TPRG1: variants seen among roughly 807,000 people sequenced by gnomAD.
The protein encoded by TPRG1 is tumor protein p63 regulated 1, also known as tumor protein p63-regulated gene 1 protein.
TPRG1 carries 29 observed loss-of-function variants against 29.3 expected under a neutral mutation model. The ratio of observed to expected loss-of-function variants is 0.99; its 90% CI spans 0.74 to 1.35. TPRG1 has a LOEUF of 1.35. Among genes scored for constraint, TPRG1 ranks in the 40% most tolerant of loss-of-function variants. TPRG1 has a pLI of 0.00. For synonymous variants in TPRG1, 130 were observed against 116.8 expected (o/e 1.11, Z -0.73); for missense variants, 327 against 335.0 (o/e 0.98, Z 0.19).
At chr3:189,204,936 C>A (rs189761576) in intron 1 of TPRG1, among the ~76,000 whole-genome samples, 4 of 120,108 alleles carry the variant, frequency 3.3e-5, no homozygotes, top group Admixed American at 2.6e-4. Flanking sequence ...CTCTATGTCT[C>A]TCTCTCTCTC....
At chr3:189,009,689 T>A (rs972218885) in intron 3 of TPRG1, among the ~76,000 whole-genome samples, 38 of 152,200 alleles carry the variant, frequency 2.5e-4, no homozygotes, top group Non-Finnish European at 1.5e-4. Context: ...TCTTTCCCAA[T>A]AGAAATAAAT....
chr3:189,076,779 T>C (rs1717201959), intron 4 of TPRG1, among the ~76,000 whole-genome samples: 1 of 152,142 alleles, frequency 6.6e-6, no homozygotes, highest in Non-Finnish European at 1.5e-5. Flanking sequence ...AATGTATCAC[T>C]GTTTATACTG....
chr3:189,286,301 AT>A (rs968890217), intron 4 of TPRG1, among the ~76,000 whole-genome samples: 11 of 151,606 alleles, frequency 7.3e-5, no homozygotes, highest in Non-Finnish European at 1.0e-4. Context: ...ACTCTGTTTT[AT>A]TTTTTTTATA....
intron 1 of TPRG1, among the ~76,000 whole-genome samples, chr3:189,185,387 G>A (rs1375507783): frequency 6.6e-6 from 1 of 151,724 alleles, no homozygotes; most frequent in Admixed American, 6.6e-5. Flanking sequence ...CTCCAGCTGG[G>A]TATATTTTTG....
At chr3:189,090,882 C>T (rs1034085919) in intron 4 of TPRG1, among the ~76,000 whole-genome samples, 22 of 151,950 alleles carry the variant, frequency 1.4e-4, no homozygotes, top group Admixed American at 3.9e-4. Flanking sequence ...TGATTAATGA[C>T]GTTTTGCAAT....
intron 4 of TPRG1, among the ~76,000 whole-genome samples, chr3:189,297,372 G>A (rs916468703): frequency 6.6e-6 from 1 of 152,056 alleles, no homozygotes; most frequent in Admixed American, 6.5e-5. Flanking sequence ...CATGCCCTAG[G>A]TGCATAGTTT....
At chr3:189,319,909 TG>T (rs2108502870) in intron 5 of TPRG1, among the ~76,000 whole-genome samples, 1 of 152,210 alleles carries the variant, frequency 6.6e-6, no homozygotes, top group African/African-American at 2.4e-5. Flanking sequence ...TTGCAGGTGC[TG>T]TGTTTTCTGC....
intron 2 of TPRG1, 123 bp from the exon 3 acceptor site, chr3:189,215,169 A>G: frequency 1.5e-6 from 1 of 679,226 alleles, no homozygotes; most frequent in Non-Finnish European, 2.3e-6. Flanking sequence ...CATACAGGCA[A>G]CTGCATAAAC....
chr3:189,150,671 T>C (rs911856002), exon 5 of TPRG1: 1 of 152,166 alleles, frequency 6.6e-6, no homozygotes, highest in East Asian at 1.9e-4. Flanking sequence ...TAAGGATTCA[T>C]CTGGGCACTG....
intron 4 of TPRG1, among the ~76,000 whole-genome samples, chr3:189,050,594 C>T (rs1715255347): frequency 6.6e-6 from 1 of 152,146 alleles, no homozygotes; most frequent in African/African-American, 2.4e-5. Flanking sequence ...AAGCCAGCCT[C>T]ACCCTAATAC....
At chr3:189,231,500 A>G (rs986835478) in intron 3 of TPRG1, among the ~76,000 whole-genome samples, 6 of 152,134 alleles carry the variant, frequency 3.9e-5, no homozygotes, top group Non-Finnish European at 7.3e-5. Context: ...CGTCACCATC[A>G]TATTAATAAC....
At chr3:189,039,841 A>AT (rs5855238) in intron 4 of TPRG1, among the ~76,000 whole-genome samples, 125,951 of 148,910 alleles carry the variant, frequency 0.85, 54,897 homozygotes, top group Non-Finnish European at 0.95. Context: ...TCTCACTCCT[A>AT]TTTTTTTTTT....
intron 4 of TPRG1, among the ~76,000 whole-genome samples, chr3:189,047,352 C>T (rs1341148718): frequency 6.6e-6 from 1 of 152,006 alleles, no homozygotes; most frequent in South Asian, 2.1e-4. Flanking sequence ...ATCAAAAACC[C>T]CAAGGTACAT....
At chr3:189,118,611 T>C (rs780692563) in intron 1 of TPRG1, among the ~76,000 whole-genome samples, 1 of 152,164 alleles carries the variant, frequency 6.6e-6, no homozygotes, top group Non-Finnish European at 1.5e-5. Flanking sequence ...CCTTGAAACA[T>C]GGTGCTCTGC....
At chr3:189,276,418 T>C (rs1375784152) in intron 4 of TPRG1, among the ~76,000 whole-genome samples, 1 of 152,142 alleles carries the variant, frequency 6.6e-6, no homozygotes, top group Non-Finnish European at 1.5e-5. Flanking sequence ...GAGAAGCTGG[T>C]TTCAAAGGAA....
At chr3:189,104,665 A>G (rs1232374125) in intron 1 of TPRG1, among the ~76,000 whole-genome samples, 1 of 151,902 alleles carries the variant, frequency 6.6e-6, no homozygotes, top group Non-Finnish European at 1.5e-5. Flanking sequence ...CTACTAGATC[A>G]ATGTCTACTG....
chr3:189,222,313 C>T (rs1347438084), intron 3 of TPRG1, among the ~76,000 whole-genome samples: 1 of 152,008 alleles, frequency 6.6e-6, no homozygotes, highest in Non-Finnish European at 1.5e-5. Flanking sequence ...AAAAACACTA[C>T]TACCAATAAT....
At chr3:188,997,359 G>A (rs1447557991) in intron 1 of TPRG1, among the ~76,000 whole-genome samples, 3 of 152,040 alleles carry the variant, frequency 2.0e-5, no homozygotes, top group East Asian at 1.9e-4. Flanking sequence ...CACTGTAATC[G>A]CTGGCTCCAT....
At chr3:189,220,000 G>A (rs1736710043) in intron 3 of TPRG1, among the ~76,000 whole-genome samples, 1 of 152,188 alleles carries the variant, frequency 6.6e-6, no homozygotes, top group African/African-American at 2.4e-5. Flanking sequence ...TGGTGTCATA[G>A]AGAAAGCACT....
Sources: gnomAD v4.1 joint callset for allele counts (sites outside exome capture counted in the v4.1 genomes callset) on GRCh38, gnomAD v4.1.1 for gene constraint, MANE v1.5 for transcripts, NCBI Gene and HGNC (gene_info 2026-07-23, HGNC 2026-07-21) for gene names.